Variants in VTCN1 observed in about 807,000 individuals in gnomAD.
VTCN1 encodes the protein V-set domain-containing T-cell activation inhibitor 1.
In VTCN1, 26 loss-of-function variants were observed where a neutral mutation model predicts 26.5. The observed-to-expected ratio is 0.98, with a 90% confidence interval of 0.72 to 1.36. The LOEUF is 1.36. Ranked by LOEUF, VTCN1 falls within the 40% of genes most tolerant of loss-of-function variation. VTCN1 has a pLI of 0.00. For missense variants in VTCN1, 298 were observed against 337.7 expected (o/e 0.88, Z 0.92); for synonymous variants, 116 against 130.7 (o/e 0.89, Z 0.77).
rs754294955 is a variant in VTCN1 at position 117,153,190 on chromosome 1, T to A, written c.625A>T (p.Lys209Ter). Residue 209 changes from lysine (K) to a stop codon, truncating the protein, a stop_gained, in exon 4 of 6, where the codon AAG (lysine) becomes TAG (stop). Coordinates refer to ENST00000369458, the MANE Select transcript of VTCN1 (RefSeq NM_024626.4). LOFTEE classifies it high-confidence loss of function. ...ACATTGTAGAGCACAGACACAACCT[T>A]CATGGTCACATTCTCAGAGTTCAGC... ...FELNSENVTM[K>*]VVSVLYNVTI... 13 of 1,614,168 alleles carry A rather than the reference T, an allele frequency of 8.1e-6. No homozygotes were observed. The South Asian group carries it at 1.3e-4, about 16-fold the overall frequency.
In VTCN1 at chr1:117,200,824, C is replaced by T. The variant is rs113706119; in HGVS notation, c.32+10000G>A. On this transcript the variant is annotated intron_variant, in intron 1 of 5. Coordinates refer to ENST00000369458, the MANE Select transcript of VTCN1 (RefSeq NM_024626.4). ...TCACTTTGTCACCCAGGCTGGAGTGCAGTGGTGTGATCTCAGCTCAGTGCA... is the reference window on the plus strand; with the variant it reads ...TCACTTTGTCACCCAGGCTGGAGTGTAGTGGTGTGATCTCAGCTCAGTGCA... Among the ~76,000 whole-genome samples, 644 of 152,284 alleles carry T rather than the reference C, an allele frequency of 4.2e-3. 2 individuals carry two copies. Among genetic ancestry groups the T allele is most frequent in the African/African-American group, 0.015 (616 of 41,556 alleles).
intron 1 of VTCN1, chr1:117,203,553 T>C (rs1358553414): frequency 2.2e-5 from 21 of 950,012 alleles, no homozygotes; most frequent in South Asian, 9.7e-5. Flanking sequence ...TCAGAAGCAT[T>C]GCAGGCAGAT....
intron 1 of VTCN1, among the ~76,000 whole-genome samples, chr1:117,177,126 AAAG>A (rs1323967018): frequency 6.6e-6 from 1 of 152,214 alleles, no homozygotes; most frequent in Non-Finnish European, 1.5e-5. Flanking sequence ...AAAAAAGGAA[AAAG>A]AAGATTAAAA....
chr1:117,168,892 G>A (rs1652754131), intron 2 of VTCN1, among the ~76,000 whole-genome samples: 1 of 152,116 alleles, frequency 6.6e-6, no homozygotes, highest in African/African-American at 2.4e-5. Context: ...ACCACAACTG[G>A]CCTAAAAAAT....
intron 2 of VTCN1, among the ~76,000 whole-genome samples, chr1:117,168,574 ACTT>A (rs778256080): frequency 1.2e-4 from 19 of 152,192 alleles, no homozygotes; most frequent in Admixed American, 2.6e-4. Flanking sequence ...AAAATTAAGA[ACTT>A]CTGCTCATTG....
At chr1:117,150,721 T>C (rs1228485045) in intron 4 of VTCN1, among the ~76,000 whole-genome samples, 2 of 152,240 alleles carry the variant, frequency 1.3e-5, no homozygotes, top group Non-Finnish European at 2.9e-5. Context: ...TCATTAGAAC[T>C]TTTTCATTTT....
At chr1:117,148,298 A>T (rs986828631) in intron 4 of VTCN1, among the ~76,000 whole-genome samples, 11 of 152,140 alleles carry the variant, frequency 7.2e-5, no homozygotes, top group Non-Finnish European at 1.6e-4. Flanking sequence ...CAGCTCTGTC[A>T]CTTACCAGCT....
chr1:117,199,107 A>G (rs778060201), intron 1 of VTCN1, among the ~76,000 whole-genome samples: 1 of 152,066 alleles, frequency 6.6e-6, no homozygotes, highest in East Asian at 1.9e-4. Flanking sequence ...CGTGGCTTCT[A>G]TTCTTTTGTA....
intron 1 of VTCN1, chr1:117,172,523 T>A (rs1331107200): frequency 1.9e-5 from 10 of 517,302 alleles, no homozygotes; most frequent in Non-Finnish European, 3.9e-5. Flanking sequence ...CCGACTTGTG[T>A]GTGGCCTAGG....
chr1:117,150,455 C>T (rs956072447), intron 4 of VTCN1, among the ~76,000 whole-genome samples: 1 of 152,186 alleles, frequency 6.6e-6, no homozygotes, highest in African/African-American at 2.4e-5. Flanking sequence ...CCACAACATT[C>T]TAGTACACTT....
chr1:117,187,274 C>A (rs1347594720), intron 1 of VTCN1, among the ~76,000 whole-genome samples: 1 of 128,168 alleles, frequency 7.8e-6, no homozygotes, highest in South Asian at 2.7e-4. Context: ...CATGCCACTG[C>A]ACTCCAGCCT....
intron 1 of VTCN1, among the ~76,000 whole-genome samples, chr1:117,173,023 T>C (rs931287828): frequency 6.6e-6 from 1 of 152,224 alleles, no homozygotes; most frequent in Non-Finnish European, 1.5e-5. Flanking sequence ...ATCTTGCTGC[T>C]GCTCCCTCTT....
chr1:117,209,673 TCTCCTGGAGCACAGTG>T (rs1649265547), intron 1 of VTCN1, among the ~76,000 whole-genome samples: 1 of 152,088 alleles, frequency 6.6e-6, no homozygotes, highest in Non-Finnish European at 1.5e-5. Context: ...ACCCACTGCT[TCTCCTGGAGCACAGTG>T]CTGTAGCCAG....
In VTCN1 at chr1:117,155,688, T is replaced by C. The variant is rs1234025196; in HGVS notation, c.445+886A>G. ...ACAGGTCTGATTCTAGATCTGAGCT[T>C]CGAATCATTGCATATGCATGTTATG... On this transcript the variant is annotated intron_variant, in intron 3 of 5. Coordinates refer to ENST00000369458, the MANE Select transcript of VTCN1 (RefSeq NM_024626.4). The surrounding 1 kb of genome is among the most constrained non-coding windows in gnomAD (Gnocchi z 4.8). 1.3e-5 allele frequency among the ~76,000 whole-genome samples: 2 copies of C among 152,132 alleles called. No homozygotes were observed. Among genetic ancestry groups the C allele is most frequent in the Non-Finnish European group, 2.9e-5 (2 of 68,018 alleles).
At chr1:117,210,766 A>C (rs1013425343) in intron 1 of VTCN1, 58 bp downstream of exon 1, 1 of 1,588,386 alleles carries the variant, frequency 6.3e-7, no homozygotes, top group Non-Finnish European at 8.6e-7. Flanking sequence ...CAGCATCCCC[A>C]AAAGACCTCA....
chr1:117,201,576 A>C (rs1648789482), intron 1 of VTCN1, among the ~76,000 whole-genome samples: 1 of 152,166 alleles, frequency 6.6e-6, no homozygotes, highest in African/African-American at 2.4e-5. Context: ...TTCCTTGCAT[A>C]CTGTCCTTCT....
At chr1:117,187,698 T>A (rs1316899300) in intron 1 of VTCN1, among the ~76,000 whole-genome samples, 1 of 152,184 alleles carries the variant, frequency 6.6e-6, no homozygotes, top group South Asian at 2.1e-4. Flanking sequence ...AGGGACCATA[T>A]CTTTTCATTT....
chr1:117,174,401 T>C (rs761205065), intron 1 of VTCN1, among the ~76,000 whole-genome samples: 21 of 152,224 alleles, frequency 1.4e-4, no homozygotes, highest in Non-Finnish European at 2.9e-4. Context: ...AAGAAGCTTA[T>C]AGTTAAACTG....
At position 117,156,937 on chromosome 1, in the gene VTCN1, C is replaced by A. The variant is rs745999046; in HGVS notation, c.98-16G>T. On this transcript the variant is annotated splice_polypyrimidine_tract_variant and intron_variant, in intron 2 of 5. Coordinates refer to ENST00000369458, the MANE Select transcript of VTCN1 (RefSeq NM_024626.4). ...GAGTGTCTCCCTGCAGTTCAGGAAG[C>A]AAAGATCAATGCTAAGGGAAGCCTT... is the stretch of plus-strand genomic sequence containing the variant. 2 of 1,613,876 alleles carry A rather than the reference C, an allele frequency of 1.2e-6. No individual in the cohort carries two copies. Among genetic ancestry groups the A allele is most frequent in the African/African-American group, 1.3e-5 (1 of 74,964 alleles).
Sources: gnomAD v4.1 joint callset for allele counts (sites outside exome capture counted in the v4.1 genomes callset) on GRCh38, gnomAD v4.1.1 for gene constraint, Gnocchi (gnomAD v3.1) non-coding constraint, MANE v1.5 for transcripts, NCBI Gene and HGNC (gene_info 2026-07-23, HGNC 2026-07-21) for gene names.